The following TM2D3 variants were observed in gnomAD, a reference collection of about 807,000 sequenced individuals.
TM2D3 encodes the protein TM2 domain-containing protein 3.
Under a neutral mutation model 27.3 loss-of-function variants are expected in TM2D3, and 33 were observed. The ratio of observed to expected loss-of-function variants is 1.21; its 90% CI spans 0.92 to 1.61. The LOEUF (loss-of-function observed/expected upper bound fraction) is 1.61, where lower values mean the gene tolerates loss of function less well. TM2D3 is among the 40% of genes most tolerant of loss of function. TM2D3 has a pLI of 0.00. For missense variants in TM2D3, 364 were observed against 320.8 expected (o/e 1.13, Z -1.03); for synonymous variants, 138 against 122.2 (o/e 1.13, Z -0.85).
At chr15:101,645,432 A>G (rs1896779992) in intron 4 of TM2D3, 1 of 400,830 alleles carries the variant, frequency 2.5e-6, no homozygotes, top group African/African-American at 2.1e-5. Flanking sequence ...AAGACAGTGT[A>G]GTCTTGAGGC....
At chr15:101,637,277 G>A (rs1896571483), downstream of TM2D3, among the ~76,000 whole-genome samples, 2 of 152,202 alleles carry the variant, frequency 1.3e-5, no homozygotes, top group African/African-American at 4.8e-5. Context: ...TGCAGATGAA[G>A]CCTCCAGATT....
At chr15:101,643,636 A>C (rs543585809) in intron 5 of TM2D3, among the ~76,000 whole-genome samples, 488 of 150,006 alleles carry the variant, frequency 3.3e-3, no homozygotes, top group African/African-American at 0.011. Context: ...AAAAAAAAAA[A>C]AAACCATGTT....
intron 4 of TM2D3, chr15:101,633,739 A>AAAG (rs924484985): frequency 6.5e-7 from 1 of 1,527,104 alleles, no homozygotes; most frequent in South Asian, 1.2e-5. Flanking sequence ...CTATACCCAA[A>AAAG]AAGAAGAAGA....
At chr15:101,640,459 A>T (rs1330433188), downstream of TM2D3, among the ~76,000 whole-genome samples, 1 of 152,214 alleles carries the variant, frequency 6.6e-6, no homozygotes, top group African/African-American at 2.4e-5. Context: ...TTGTTAAGCC[A>T]CGCCGTTTAT....
At chr15:101,651,907 A>C in intron 1 of TM2D3, 134 bp from the exon 2 acceptor site, 1 of 890,880 alleles carries the variant, frequency 1.1e-6, no homozygotes, top group Non-Finnish European at 1.9e-6. Context: ...GGTCAGCCAG[A>C]AAACACAAAG....
At chr15:101,637,901 G>C (rs959493038), downstream of TM2D3, among the ~76,000 whole-genome samples, 1 of 152,088 alleles carries the variant, frequency 6.6e-6, no homozygotes, top group East Asian at 1.9e-4. Flanking sequence ...TTTTCTCTTC[G>C]AGCATTTTGC....
rs376333770 is a variant in TM2D3, at chr15:101,646,262, C to T, written c.502+463G>A. 17 of 158,336 alleles carry T rather than the reference C, an allele frequency of 1.1e-4. No homozygotes were observed. The East Asian group carries it at 2.4e-3, about 22-fold the overall frequency. The allele number at this position is 158,336 out of a possible 1,614,324, so 9.8% of individuals were successfully genotyped here. ...GCACACAGCCTGAAATCATTTTACA[C>T]GGTTCTAAAACATGCATTATTGAAT... On this transcript the variant is annotated intron_variant, in intron 4 of 5. Coordinates refer to ENST00000333202, the MANE Select transcript of TM2D3 (RefSeq NM_078474.3).
Position 101,646,752 on chromosome 15 carries a change from T to A in TM2D3, c.475A>T (p.Thr159Ser). Residue 159 changes from threonine (T) to serine (S), a missense_variant, in exon 4 of 6, where the codon ACG becomes TCG. By Grantham distance (58) the Thr-to-Ser change is moderately conservative. Coordinates refer to ENST00000333202, the MANE Select transcript of TM2D3 (RefSeq NM_078474.3). Reference sequence around the variant, plus strand: ...AAGCAGTGGACGTGGTCCCGCACCGTGCAGTTGGCAGGGTAGCGCTGCCGA... The same window carrying A: ...AAGCAGTGGACGTGGTCCCGCACCGAGCAGTTGGCAGGGTAGCGCTGCCGA... ...CPRQRYPANCTVRDHVHCLGN... is the reference protein window; with the variant it reads ...CPRQRYPANCSVRDHVHCLGN... 6.2e-7 allele frequency: 1 copy of A among 1,614,224 alleles called. No individual in the cohort carries two copies. Among genetic ancestry groups the A allele is most frequent in the Non-Finnish European group, 8.5e-7 (1 of 1,180,032 alleles).
In TM2D3 at chr15:101,650,124, C is replaced by G. The variant is rs755759493; in HGVS notation, c.207G>C (p.Pro69=). 2 of 1,613,976 alleles carry G rather than the reference C, an allele frequency of 1.2e-6. No homozygotes were observed. The highest frequency in any genetic ancestry group is 1.3e-5 in the African/African-American group (1 of 75,048). ...GAAGCCTGCTACACAAACCATTGCTCGGACACTTCATCACATAAGGTGGGA... is the reference window on the plus strand; with the variant it reads ...GAAGCCTGCTACACAAACCATTGCTGGGACACTTCATCACATAAGGTGGGA... The part of the protein sequence containing the change: ...TEIPPYVMKC[P]SNGLCSRLPA... The change falls in exon 3 of 6, where the codon CCG becomes CCC. Residue 69 remains proline (P), a synonymous_variant. Transcript: ENST00000333202.
In TM2D3 at chr15:101,641,927, A is replaced by C; in HGVS notation, c.*552T>G. The stretch of plus-strand genomic sequence containing the variant: ...CTAAGAAAATTTAAACCATAACTAG[A>C]CATAAACATTCTGCAGTTTAATTCA... On this transcript the variant is annotated 3_prime_UTR_variant, in exon 6 of 6. Coordinates refer to ENST00000333202, the MANE Select transcript of TM2D3 (RefSeq NM_078474.3). 1 of 983,470 alleles carries C rather than the reference A, an allele frequency of 1.0e-6. No individual in the cohort carries two copies. The highest frequency in any genetic ancestry group is 1.2e-6 in the Non-Finnish European group (1 of 828,106). The allele number at this position is 983,470 out of a possible 1,614,324, so 60.9% of individuals were successfully genotyped here. A position where few individuals can be genotyped will look rare whatever the true frequency, so the allele number is the denominator to read the frequency against.
Position 101,642,600 on chromosome 15 carries a change from T to G in TM2D3, c.623A>C (p.Gln208Pro). The change falls in exon 6 of 6, where the codon CAG (glutamine) becomes CCG (proline). Residue 208 changes from glutamine (Q) to proline (P), a missense_variant. Physicochemically the swap from Gln to Pro is moderately conservative, Grantham distance 76. Transcript: ENST00000333202. ...GAGCTTGCCGAGGCCTTCCCGCCAC[T>G]GGCCCAGGTAGAAACGGTCTGCTCC... ...GFGADRFYLGQWREGLGKLFS... is the reference protein window; with the variant it reads ...GFGADRFYLGPWREGLGKLFS... 4 of 1,613,348 alleles carry G rather than the reference T, an allele frequency of 2.5e-6. No homozygotes were observed. The South Asian group carries it at 4.4e-5, about 18-fold the overall frequency.
chr15:101,650,242 G>T, intron 2 of TM2D3, 81 bp from the exon 3 acceptor site: 1 of 1,402,686 alleles, frequency 7.1e-7, no homozygotes, highest in Non-Finnish European at 9.8e-7. Context: ...GTTAAGAGAC[G>T]TGATCATTAG....
intron 5 of TM2D3, among the ~76,000 whole-genome samples, chr15:101,643,959 C>T (rs796235036): frequency 3.3e-5 from 5 of 152,162 alleles, no homozygotes; most frequent in African/African-American, 9.6e-5. Context: ...AAGTGATCTT[C>T]CCATTGCAGC....
intron 2 of TM2D3, chr15:101,650,481 C>A (rs1330109286): frequency 1.0e-5 from 2 of 190,724 alleles, no homozygotes; most frequent in Non-Finnish European, 2.1e-5. Context: ...AAAAGACTAT[C>A]ATTTTGTAAG....
At chr15:101,650,690 A>G (rs191775721) in intron 2 of TM2D3, 1 of 152,338 alleles carries the variant, frequency 6.6e-6, no homozygotes, top group East Asian at 1.9e-4. Context: ...TCGATAAGCC[A>G]CATTTGCTAA....
At chr15:101,647,966 C>T (rs181903675) in intron 3 of TM2D3, among the ~76,000 whole-genome samples, 97 of 152,040 alleles carry the variant, frequency 6.4e-4, no homozygotes, top group African/African-American at 2.1e-3. Context: ...GGTGCAATCT[C>T]GGCTCACTTC....
chr15:101,643,331 G>A (rs923786999), intron 5 of TM2D3, among the ~76,000 whole-genome samples: 1 of 152,062 alleles, frequency 6.6e-6, no homozygotes, highest in African/African-American at 2.4e-5. Context: ...TGCCGGGCGC[G>A]GTGGCTCACG....
At chr15:101,646,378 G>C (rs897534996) in intron 4 of TM2D3, 3 of 108,078 alleles carry the variant, frequency 2.8e-5, no homozygotes, top group Non-Finnish European at 7.3e-5. Flanking sequence ...CCTTGGAAGA[G>C]GAGGAAAGGC....
chr15:101,638,768 T>C (rs1477154706), downstream of TM2D3, among the ~76,000 whole-genome samples: 1 of 152,214 alleles, frequency 6.6e-6, no homozygotes, highest in African/African-American at 2.4e-5. Context: ...TTTGCTGGTT[T>C]TGGGCAGGAA....
Sources: allele counts gnomAD v4.1 joint callset (sites outside exome capture counted in the v4.1 genomes callset), GRCh38; gene constraint gnomAD v4.1.1; transcripts MANE v1.5; gene names NCBI Gene and HGNC (gene_info 2026-07-23, HGNC 2026-07-21).